Variants in MLLT3 observed in about 807,000 individuals in gnomAD.
MLLT3 encodes MLLT3 super elongation complex subunit.
Under a neutral mutation model 53.2 loss-of-function variants are expected in MLLT3, and 4 were observed. The observed-to-expected ratio is 0.08, with a 90% CI of 0.04 to 0.17. The LOEUF (loss-of-function observed/expected upper bound fraction) is 0.17, where lower values mean the gene tolerates loss of function less well. Ranked by LOEUF, MLLT3 falls within the 10% of genes least tolerant of loss-of-function variation. MLLT3 has a pLI of 1.00. For synonymous variants in MLLT3, 283 were observed against 230.6 expected (o/e 1.23, Z -2.06); for missense variants, 569 against 684.0 (o/e 0.83, Z 1.87).
At chr9:20,383,031 A>G (rs1447254736) in intron 5 of MLLT3, among the ~76,000 whole-genome samples, 1 of 151,920 alleles carries the variant, frequency 6.6e-6, no homozygotes, top group African/African-American at 2.4e-5. Flanking sequence ...AGGTGGAGAT[A>G]CTGAACATGA....
intron 8 of MLLT3, 129 bp from the exon 9 acceptor site, chr9:20,355,008 C>G: frequency 2.4e-6 from 1 of 411,482 alleles, no homozygotes; most frequent in Admixed American, 3.8e-5. Flanking sequence ...CATTTCTTTT[C>G]TATACATTTT....
In MLLT3 at chr9:20,346,329, G is replaced by T. The variant is rs1587135117; in HGVS notation, c.*114C>A. 9.7e-7 allele frequency: 1 copy of T among 1,034,388 alleles called. No homozygotes were observed. Among genetic ancestry groups the T allele is most frequent in the Non-Finnish European group, 1.3e-6 (1 of 744,456 alleles). The allele number at this position is 1,034,388 out of a possible 1,614,324, so 64.1% of individuals were successfully genotyped here. A position where few individuals can be genotyped will look rare whatever the true frequency, so the allele number is the denominator to read the frequency against. On this transcript the variant is annotated 3_prime_UTR_variant, in exon 11 of 11. Transcript: ENST00000380338. ...GATTTTTATTTTTTCCCTTTTGGTT[G>T]CATCATTTTGAGTGTTTTCATATAA...
intron 8 of MLLT3, among the ~76,000 whole-genome samples, chr9:20,358,486 C>A (rs1821229412): frequency 6.6e-6 from 1 of 152,166 alleles, no homozygotes; most frequent in Non-Finnish European, 1.5e-5. Flanking sequence ...GATAAGGTAA[C>A]TTTTACCCTC....
At chr9:20,386,203 G>A (rs930760089) in intron 5 of MLLT3, among the ~76,000 whole-genome samples, 1 of 152,192 alleles carries the variant, frequency 6.6e-6, no homozygotes, top group Non-Finnish European at 1.5e-5. Flanking sequence ...TGCAATTAGA[G>A]TAAGTAAATA....
chr9:20,383,356 T>C lies in MLLT3; in HGVS notation c.1126-17612A>G, dbSNP rs142958435. Among the ~76,000 whole-genome samples the C allele has an allele frequency of 3.7e-3, 556 of 152,060 alleles. 2 individuals carry two copies. Among genetic ancestry groups the C allele is most frequent in the African/African-American group, 0.013 (534 of 41,540 alleles). ...TTAATGTCAAATATTTTGAAAAATC[T>C]AGATTAGTATGAGGGTGAAAAGAAT... On this transcript the variant is annotated intron_variant, in intron 5 of 10. Coordinates refer to ENST00000380338, the MANE Select transcript of MLLT3 (RefSeq NM_004529.4).
intron 2 of MLLT3, among the ~76,000 whole-genome samples, chr9:20,542,219 A>G (rs911033605): frequency 3.3e-5 from 5 of 150,646 alleles, no homozygotes; most frequent in Non-Finnish European, 4.4e-5. Context: ...AACCAGGCAC[A>G]TGGTCAATGA....
chr9:20,391,336 A>G (rs1822174860), intron 5 of MLLT3, among the ~76,000 whole-genome samples: 1 of 152,248 alleles, frequency 6.6e-6, no homozygotes, highest in Non-Finnish European at 1.5e-5. Flanking sequence ...GAAATGGAAC[A>G]GGTGCCTGAA....
At chr9:20,485,474 C>T (rs943469536) in intron 2 of MLLT3, among the ~76,000 whole-genome samples, 8 of 152,180 alleles carry the variant, frequency 5.3e-5, no homozygotes, top group Admixed American at 1.3e-4. Context: ...AGAATGATTG[C>T]TATGTATGAA....
At chr9:20,547,676 G>T (rs1818823924) in intron 2 of MLLT3, among the ~76,000 whole-genome samples, 1 of 149,336 alleles carries the variant, frequency 6.7e-6, no homozygotes, top group East Asian at 2.0e-4. Context: ...ACATACACTG[G>T]ACAGTGGCTC....
intron 2 of MLLT3, among the ~76,000 whole-genome samples, chr9:20,529,952 G>A (rs1173549048): frequency 6.6e-6 from 1 of 152,000 alleles, no homozygotes; most frequent in Non-Finnish European, 1.5e-5. Flanking sequence ...TTCTGGGGCT[G>A]CACTTTTATC....
intron 5 of MLLT3, among the ~76,000 whole-genome samples, chr9:20,409,080 G>A (rs1054785079): frequency 2.1e-4 from 32 of 152,278 alleles, no homozygotes. Flanking sequence ...TTCTCATGCT[G>A]CAGGCTGAAG....
At chr9:20,405,597 T>A (rs1277324988) in intron 5 of MLLT3, among the ~76,000 whole-genome samples, 2 of 152,158 alleles carry the variant, frequency 1.3e-5, no homozygotes, top group Admixed American at 1.3e-4. Flanking sequence ...ATTGTATAGA[T>A]TAAGTAAGAA....
intron 5 of MLLT3, among the ~76,000 whole-genome samples, chr9:20,371,348 C>A (rs796254194): frequency 1.3e-5 from 2 of 152,380 alleles, no homozygotes; most frequent in African/African-American, 4.8e-5. Context: ...TCTACTGGAA[C>A]AAGATGCCAT....
chr9:20,427,448 T>C (rs908719507), intron 4 of MLLT3, among the ~76,000 whole-genome samples: 4 of 151,310 alleles, frequency 2.6e-5, no homozygotes, highest in African/African-American at 4.9e-5. Context: ...AAATGGGAAA[T>C]ATAAAAGCTA....
At chr9:20,436,626 C>T (rs568258633) in intron 4 of MLLT3, among the ~76,000 whole-genome samples, 45 of 152,102 alleles carry the variant, frequency 3.0e-4, no homozygotes, top group Non-Finnish European at 4.9e-4. Context: ...GCTAATATCA[C>T]TATGTGTAAC....
chr9:20,415,671 A>G (rs990471951), intron 4 of MLLT3, among the ~76,000 whole-genome samples: 2 of 152,116 alleles, frequency 1.3e-5, no homozygotes, highest in Non-Finnish European at 2.9e-5. Context: ...AACCAATCCT[A>G]TATTCCTTAA....
chr9:20,411,154 CAG>C (rs761263208), intron 5 of MLLT3: 29 of 152,532 alleles, frequency 1.9e-4, no homozygotes, highest in Non-Finnish European at 2.9e-4. Context: ...GCCAAGGTAA[CAG>C]GGGATACTTG....
chr9:20,565,846 C>A (rs895076172), intron 2 of MLLT3, among the ~76,000 whole-genome samples: 1 of 147,484 alleles, frequency 6.8e-6, no homozygotes, highest in African/African-American at 2.5e-5. Flanking sequence ...ACATTCTAGT[C>A]CCTCTTCAGA....
At chr9:20,420,750 G>C in intron 4 of MLLT3, among the ~76,000 whole-genome samples, 1 of 152,022 alleles carries the variant, frequency 6.6e-6, no homozygotes, top group East Asian at 1.9e-4. Context: ...CAACGCGCAG[G>C]TTTGTTACAT....
Sources: gnomAD v4.1 joint callset for allele counts (sites outside exome capture counted in the v4.1 genomes callset) on GRCh38, gnomAD v4.1.1 for gene constraint, MANE v1.5 for transcripts, NCBI Gene and HGNC (gene_info 2026-07-23, HGNC 2026-07-21) for gene names.